The following CNTNAP2 variants were observed in gnomAD, a reference collection of about 807,000 sequenced individuals.
CNTNAP2 encodes contactin associated protein 2, also known as contactin-associated protein-like 2.
Under a neutral mutation model 155.2 loss-of-function variants are expected in CNTNAP2, and 98 were observed. That is an observed-to-expected ratio of 0.63 (90% CI 0.54 to 0.75). The LOEUF is 0.75. CNTNAP2 is among the 30% of genes least tolerant of loss of function. CNTNAP2 has a pLI of 0.00. For synonymous variants in CNTNAP2, 651 were observed against 631.2 expected (o/e 1.03, Z -0.47); for missense variants, 1,727 against 1,688.1 (o/e 1.02, Z -0.40).
Position 147,623,751 on chromosome 7 carries a change from A to T in CNTNAP2, c.1898-15355A>T, listed in dbSNP as rs562884599. Among the ~76,000 whole-genome samples the T allele has an allele frequency of 5.2e-4, 75 of 143,738 alleles. 1 individual carries two copies. Among genetic ancestry groups the T allele is most frequent in the Middle Eastern group, 3.4e-3 (1 of 292 alleles). The allele number at this position is 143,738 out of a possible 152,430, so 94.3% of individuals were successfully genotyped here. A position where few individuals can be genotyped will look rare whatever the true frequency, so the allele number is the denominator to read the frequency against. On this transcript the variant is annotated intron_variant, in intron 12 of 23. Transcript: ENST00000361727. ...ATTCTTCACAGAAATAAAAAAAAAAATTTTAAATTTAAAATTAAAATTTAT... is the reference window on the plus strand; with the variant it reads ...ATTCTTCACAGAAATAAAAAAAAAATTTTTAAATTTAAAATTAAAATTTAT...
chr7:147,046,514 T>C (rs2159472), intron 4 of CNTNAP2, among the ~76,000 whole-genome samples: 39,387 of 152,074 alleles, frequency 0.26, 5,868 homozygotes, highest in African/African-American at 0.41. Context: ...TTCATGCTGA[T>C]GAACGTTTGA....
At chr7:147,125,091 AG>A (rs1801206405) in intron 6 of CNTNAP2, among the ~76,000 whole-genome samples, 1 of 151,936 alleles carries the variant, frequency 6.6e-6, no homozygotes, top group South Asian at 2.1e-4. Context: ...TGTGTTAGCC[AG>A]GATGGTCTCG....
intron 1 of CNTNAP2, among the ~76,000 whole-genome samples, chr7:146,357,151 C>T (rs1795009999): frequency 6.8e-6 from 1 of 147,008 alleles, no homozygotes; most frequent in Non-Finnish European, 1.5e-5. Flanking sequence ...AAATAGCAAA[C>T]ATAAGAAGCC....
At chr7:146,575,535 G>T (rs1002914800) in intron 1 of CNTNAP2, among the ~76,000 whole-genome samples, 4 of 152,076 alleles carry the variant, frequency 2.6e-5, no homozygotes, top group African/African-American at 9.7e-5. Context: ...CATTACATTT[G>T]TATATTTAAG....
At chr7:147,490,928 C>A (rs907145192) in intron 11 of CNTNAP2, among the ~76,000 whole-genome samples, 2 of 152,064 alleles carry the variant, frequency 1.3e-5, no homozygotes, top group Non-Finnish European at 1.5e-5. Context: ...CTTATAAAAC[C>A]ATCATCTCGT....
At chr7:148,318,274 C>CCGGCTGT (rs950333366) in intron 21 of CNTNAP2, among the ~76,000 whole-genome samples, 12 of 152,150 alleles carry the variant, frequency 7.9e-5, no homozygotes, top group South Asian at 2.1e-4. Context: ...GAGAAGTCAC[C>CCGGCTGT]CGGCTGTCGC....
chr7:148,099,406 A>T (rs1411530248), intron 15 of CNTNAP2, among the ~76,000 whole-genome samples: 1 of 147,850 alleles, frequency 6.8e-6, no homozygotes, highest in African/African-American at 2.6e-5. Context: ...TCCTTGCAAG[A>T]AAAAAGCATT....
intron 3 of CNTNAP2, among the ~76,000 whole-genome samples, chr7:146,998,116 A>G (rs1175282430): frequency 1.3e-5 from 2 of 151,310 alleles, no homozygotes; most frequent in Non-Finnish European, 2.9e-5. Flanking sequence ...TAGTTCTTTG[A>G]GATACAAGAT....
intron 15 of CNTNAP2, among the ~76,000 whole-genome samples, chr7:148,089,529 TAAAG>T (rs1288748230): frequency 5.3e-5 from 8 of 151,308 alleles, no homozygotes; most frequent in Non-Finnish European, 1.2e-4. Flanking sequence ...AAAAAGGAAA[TAAAG>T]AAAACAATTT....
intron 10 of CNTNAP2, among the ~76,000 whole-genome samples, chr7:147,413,343 C>T (rs982134916): frequency 1.3e-5 from 2 of 152,126 alleles, no homozygotes; most frequent in East Asian, 3.9e-4. Context: ...TGTTCCAACA[C>T]AACAGGCTTT....
chr7:146,962,569 G>A (rs184475912), intron 3 of CNTNAP2, among the ~76,000 whole-genome samples: 265 of 152,184 alleles, frequency 1.7e-3, no homozygotes, highest in African/African-American at 6.0e-3. Context: ...TTTGTTTTTT[G>A]AGACAGAGTC....
chr7:147,177,283 G>C (rs1802368440), intron 8 of CNTNAP2, among the ~76,000 whole-genome samples: 1 of 151,992 alleles, frequency 6.6e-6, no homozygotes, highest in South Asian at 2.1e-4. Flanking sequence ...GAACCAGGTG[G>C]AGTTAATTAA....
intron 1 of CNTNAP2, among the ~76,000 whole-genome samples, chr7:146,722,991 G>T (rs898926293): frequency 6.6e-6 from 1 of 151,914 alleles, no homozygotes; most frequent in African/African-American, 2.4e-5. Context: ...CTCCAGCCTG[G>T]GTGACATAAC....
At chr7:147,584,197 A>G (rs2116831795) in intron 12 of CNTNAP2, among the ~76,000 whole-genome samples, 1 of 152,324 alleles carries the variant, frequency 6.6e-6, no homozygotes, top group South Asian at 2.1e-4. Context: ...ATAATTTTTA[A>G]AAGATTAGAA....
At chr7:146,534,785 T>G (rs1423939424) in intron 1 of CNTNAP2, among the ~76,000 whole-genome samples, 1 of 151,762 alleles carries the variant, frequency 6.6e-6, no homozygotes, top group East Asian at 2.0e-4. Flanking sequence ...GTCTGTCTAT[T>G]GCATGCTTTA....
chr7:147,621,526 G>C (rs1263520176), intron 12 of CNTNAP2, among the ~76,000 whole-genome samples: 1 of 151,926 alleles, frequency 6.6e-6, no homozygotes, highest in Admixed American at 6.6e-5. Context: ...ATTATTACTT[G>C]TGCTTATTTG....
In CNTNAP2 at chr7:148,358,584, A is replaced by G. The variant is rs865915619; in HGVS notation, c.3476-25065A>G. On this transcript the variant is annotated intron_variant, in intron 21 of 23. Coordinates refer to ENST00000361727, the MANE Select transcript of CNTNAP2 (RefSeq NM_014141.6). Reference sequence around the variant, plus strand: ...AGAGGTAGCACCTGTAGAAACCGCAATTAGGGGTCCTATGCTTTTGTTTAA... The same window carrying G: ...AGAGGTAGCACCTGTAGAAACCGCAGTTAGGGGTCCTATGCTTTTGTTTAA... Among the ~76,000 whole-genome samples, 95 of 152,326 alleles carry G rather than the reference A, an allele frequency of 6.2e-4. 1 individual carries two copies. Among genetic ancestry groups the G allele is most frequent in the Middle Eastern group, 6.8e-3 (2 of 294 alleles).
intron 1 of CNTNAP2, among the ~76,000 whole-genome samples, chr7:146,369,266 T>A (rs962984135): frequency 6.6e-6 from 1 of 151,978 alleles, no homozygotes; most frequent in African/African-American, 2.4e-5. Context: ...TTTAGTTTTC[T>A]TTCACACAGG....
intron 1 of CNTNAP2, among the ~76,000 whole-genome samples, chr7:146,714,766 G>T (rs1170663017): frequency 6.6e-6 from 1 of 152,146 alleles, no homozygotes; most frequent in Non-Finnish European, 1.5e-5. Context: ...ACAGATACTT[G>T]ATGGCACATT....
Sources: allele counts gnomAD v4.1 joint callset (sites outside exome capture counted in the v4.1 genomes callset), GRCh38; gene constraint gnomAD v4.1.1; transcripts MANE v1.5; gene names NCBI Gene and HGNC (gene_info 2026-07-23, HGNC 2026-07-21).